The following COL1A1 variants were observed in gnomAD, a reference collection of about 807,000 sequenced individuals.
The protein encoded by COL1A1 is collagen alpha-1(I) chain.
In COL1A1, 21 loss-of-function variants were observed where a neutral mutation model predicts 195.7. The observed-to-expected ratio is 0.11, with a 90% confidence interval of 0.08 to 0.15. The LOEUF (loss-of-function observed/expected upper bound fraction) is 0.15, where lower values mean the gene tolerates loss of function less well. Ranked by LOEUF, COL1A1 falls within the 10% of genes least tolerant of loss-of-function variation. COL1A1 has a pLI of 1.00. For synonymous variants in COL1A1, 749 were observed against 747.3 expected (o/e 1.00, Z -0.04); for missense variants, 1,365 against 2,051.0 (o/e 0.67, Z 6.46).
In COL1A1 at chr17:50,186,400, C is replaced by T; in HGVS notation, c.3922G>A (p.Ala1308Thr). ...TCVYPTQPSV[A>T]QKNWYISKNP... ...TTGCTGATGTACCAGTTCTTCTGGGCCACACTGGGCTGAGTGGGGTACACG... is the reference window on the plus strand; with the variant it reads ...TTGCTGATGTACCAGTTCTTCTGGGTCACACTGGGCTGAGTGGGGTACACG... The change falls in exon 49 of 51, where the codon GCC (alanine) becomes ACC (threonine). Residue 1308 changes from alanine to threonine, a missense_variant. Physicochemically the swap from Ala to Thr is moderately conservative, Grantham distance 58. Around this residue, in one of 5 missense-constraint regions of COL1A1, gnomAD observed 273 missense variants for 338.6 expected, o/e 0.81. Coordinates refer to ENST00000225964, the MANE Select transcript of COL1A1 (RefSeq NM_000088.4). This position sits in a 1 kb window ranked among gnomAD's most constrained non-coding sequence, Gnocchi z 5.3. 2 of 1,614,194 alleles carry T rather than the reference C, an allele frequency of 1.2e-6. No individual in the cohort carries two copies. Among genetic ancestry groups the T allele is most frequent in the Non-Finnish European group, 1.7e-6 (2 of 1,180,040 alleles).
At chr17:50,199,496 AG>A in intron 3 of COL1A1, 43 bp from the exon 4 acceptor site, 1 of 1,614,156 alleles carries the variant, frequency 6.2e-7, no homozygotes, top group Middle Eastern at 1.7e-4. Context: ...AGGTTAGAGA[AG>A]GGAGGACTGT....
In COL1A1 at chr17:50,194,153, G is replaced by T. The variant is rs1907351911; in HGVS notation, c.1645C>A (p.Pro549Thr). The change falls in exon 24 of 51, where the codon CCT (proline) becomes ACT (threonine). Residue 549 changes from proline (P) to threonine (T), a missense_variant. By Grantham distance (38) the Pro-to-Thr change is conservative (BLOSUM62 -1). Around this residue, in one of 5 missense-constraint regions of COL1A1, gnomAD observed 671 missense variants for 1,099.9 expected, o/e 0.61. Coordinates refer to ENST00000225964, the MANE Select transcript of COL1A1 (RefSeq NM_000088.4). This position sits in a 1 kb window ranked among gnomAD's most constrained non-coding sequence, Gnocchi z 6.8. ...GLTGSPGSPG[P>T]DGKTGPPGPA... ...ACAGGGGGGCCAGTTTTGCCATCAGGACCAGGGCTGCCAGGGCTTCCAGTC... is the reference window on the plus strand; with the variant it reads ...ACAGGGGGGCCAGTTTTGCCATCAGTACCAGGGCTGCCAGGGCTTCCAGTC... 6.2e-7 allele frequency: 1 copy of T among 1,613,706 alleles called. No homozygotes were observed. The highest frequency in any genetic ancestry group is 1.3e-5 in the African/African-American group (1 of 74,838).
In COL1A1 at chr17:50,186,890, G is replaced by A; in HGVS notation, c.3564C>T (p.Pro1188=). The A allele has an allele frequency of 6.2e-7, 1 of 1,613,972 alleles. No individual in the cohort carries two copies. Among genetic ancestry groups the A allele is most frequent in the Non-Finnish European group, 8.5e-7 (1 of 1,179,978 alleles). The change falls in exon 48 of 51, where the codon CCC becomes CCT. Residue 1188 remains proline (P), a synonymous_variant. Transcript: ENST00000225964. This position sits in a 1 kb window ranked among gnomAD's most constrained non-coding sequence, Gnocchi z 5.3. ...GPPGPPGPPG[P]PGPPSAGFDF... ...CGAAACCAGCGCTGGGAGGACCAGG[G>A]GGACCAGGAGGTCCAGGAGGGCCGG...
chr17:50,200,981 C>T lies in COL1A1; in HGVS notation c.103+430G>A, dbSNP rs1354007354. On this transcript the variant is annotated intron_variant, in intron 1 of 50. Transcript: ENST00000225964. The stretch of plus-strand genomic sequence containing the variant: ...CCCCCTCCGCGGCTGCCCAGCACCC[C>T]CACGGCCCCAGCAACACTCTAGCCC... Among the ~76,000 whole-genome samples the T allele has an allele frequency of 2.6e-5, 4 of 152,258 alleles. 1 individual carries two copies. The highest frequency in any genetic ancestry group is 5.9e-5 in the Non-Finnish European group (4 of 68,052).
At position 50,197,048 on chromosome 17, in the gene COL1A1, G is replaced by A. The variant is rs1245834661; in HGVS notation, c.766C>T (p.Pro256Ser). ...ATTCCAGGGAGGCCAGCTGTTCCGGGCAATCCTCGAGCACCCTGGAGAGAG... is the reference window on the plus strand; with the variant it reads ...ATTCCAGGGAGGCCAGCTGTTCCGGACAATCCTCGAGCACCCTGGAGAGAG... ...PPGPQGARGL[P>S]GTAGLPGMKG... The change falls in exon 11 of 51, where the codon CCC (proline) becomes TCC (serine). Residue 256 changes from proline (P) to serine (S), a missense_variant. By Grantham distance (74) the Pro-to-Ser change is moderately conservative. This residue lies in a region of COL1A1 where 226 missense variants were observed against 372.9 expected (regional missense o/e 0.61). Transcript: ENST00000225964. The A allele has an allele frequency of 6.2e-7, 1 of 1,614,100 alleles. No individual in the cohort carries two copies. The highest frequency in any genetic ancestry group is 8.5e-7 in the Non-Finnish European group (1 of 1,180,000).
At position 50,187,133 on chromosome 17, in the gene COL1A1, G is replaced by A. The variant is rs200794696; in HGVS notation, c.3424-11C>T. The A allele has an allele frequency of 6.3e-7, 1 of 1,593,032 alleles. No homozygotes were observed. The highest frequency in any genetic ancestry group is 2.3e-5 in the East Asian group (1 of 44,368). On this transcript the variant is annotated splice_polypyrimidine_tract_variant and intron_variant, in intron 46 of 50. Coordinates refer to ENST00000225964, the MANE Select transcript of COL1A1 (RefSeq NM_000088.4). ...AGAGCCAGGGGGACCCTGGAGTGGGGGAAATGGTTTGAGAAAGGCTGCCAG... is the reference window on the plus strand; with the variant it reads ...AGAGCCAGGGGGACCCTGGAGTGGGAGAAATGGTTTGAGAAAGGCTGCCAG...
chr17:50,200,199 T>A, intron 1 of COL1A1: 3 of 494,332 alleles, frequency 6.1e-6, no homozygotes, highest in Non-Finnish European at 3.7e-6. Flanking sequence ...CGCGGTGGCT[T>A]CCAACTCCAA....
At chr17:50,200,012 C>G in intron 1 of COL1A1, 65 bp from the exon 2 acceptor site, 1 of 1,549,528 alleles carries the variant, frequency 6.5e-7, no homozygotes, top group South Asian at 1.1e-5. Context: ...CCACCTTTCC[C>G]CCGGGTCTAA....
chr17:50,189,039 G>C lies in COL1A1; in HGVS notation c.2938-29C>G, dbSNP rs760483451. On this transcript the variant is annotated intron_variant, in intron 40 of 50. Coordinates refer to ENST00000225964, the MANE Select transcript of COL1A1 (RefSeq NM_000088.4). The surrounding 1 kb of genome is among the most constrained non-coding windows in gnomAD (Gnocchi z 5.5). ...AGGGAGAAGAAAGAGTCAGGCCAGA[G>C]ATAGGGTCTGGGAGGACCCTTGAGT... The C allele has an allele frequency of 1.0e-4, 162 of 1,593,854 alleles. No individual in the cohort carries two copies. The highest frequency in any genetic ancestry group is 1.4e-4 in the Non-Finnish European group (158 of 1,161,856).
Position 50,190,021 on chromosome 17 carries a change from C to T in COL1A1, c.2539G>A (p.Ala847Thr), listed in dbSNP as rs369455732. ...CTCACAATGGGGCCAGGGGGTCCAG[C>T]GGGTCCGGCAGGGCCAGGGGGACCA... is the stretch of plus-strand genomic sequence containing the variant. ...DAGPPGPAGP[A>T]GPPGPIGNVG... Residue 847 changes from alanine to threonine, a missense_variant, in exon 36 of 51, where the codon GCT becomes ACT. Around this residue, in one of 5 missense-constraint regions of COL1A1, gnomAD observed 671 missense variants for 1,099.9 expected, o/e 0.61. Transcript: ENST00000225964. This position sits in a 1 kb window ranked among gnomAD's most constrained non-coding sequence, Gnocchi z 4.7. 39 of 1,612,944 alleles carry T rather than the reference C, an allele frequency of 2.4e-5. No individual in the cohort carries two copies. Among genetic ancestry groups the T allele is most frequent in the African/African-American group, 1.7e-4 (13 of 74,766 alleles).
rs766217606 is a variant in COL1A1 at position 50,194,334 on chromosome 17, A to G, written c.1614+15T>C. On this transcript the variant is annotated intron_variant, in intron 23 of 50. Coordinates refer to ENST00000225964, the MANE Select transcript of COL1A1 (RefSeq NM_000088.4). This position sits in a 1 kb window ranked among gnomAD's most constrained non-coding sequence, Gnocchi z 6.8. ...CAGGGCCTGGCCAAGCCAGGCTGAAAGCCTGGGGCCTCACCTTGGCACCAG... is the reference window on the plus strand; with the variant it reads ...CAGGGCCTGGCCAAGCCAGGCTGAAGGCCTGGGGCCTCACCTTGGCACCAG... 6.2e-7 allele frequency: 1 copy of G among 1,613,978 alleles called. No homozygotes were observed. Among genetic ancestry groups the G allele is most frequent in the Non-Finnish European group, 8.5e-7 (1 of 1,179,950 alleles).
Position 50,195,536 on chromosome 17 carries a change from G to T in COL1A1, c.1155+31C>A. ...GCAAGGACTCTGAGGTTAGAAAGTG[G>T]CAAAGGGGACACTGAGTCGGGGACA... is the stretch of plus-strand genomic sequence containing the variant. On this transcript the variant is annotated intron_variant, in intron 17 of 50. Coordinates refer to ENST00000225964, the MANE Select transcript of COL1A1 (RefSeq NM_000088.4). This position sits in a 1 kb window ranked among gnomAD's most constrained non-coding sequence, Gnocchi z 4.3. The T allele has an allele frequency of 6.2e-7, 1 of 1,613,976 alleles. No individual in the cohort carries two copies. The highest frequency in any genetic ancestry group is 1.3e-5 in the African/African-American group (1 of 74,992).
chr17:50,188,251 C>T lies in COL1A1; in HGVS notation c.3208-102G>A. ...TGCTGGATCTCTCTCTCCTCAGCTG[C>T]TTCCCACTGTGGCCATCTCTCCCAA... On this transcript the variant is annotated intron_variant, in intron 43 of 50. Coordinates refer to ENST00000225964, the MANE Select transcript of COL1A1 (RefSeq NM_000088.4). The surrounding 1 kb of genome is among the most constrained non-coding windows in gnomAD (Gnocchi z 5.6). 8.4e-7 allele frequency: 1 copy of T among 1,186,592 alleles called. No homozygotes were observed. The highest frequency in any genetic ancestry group is 2.6e-5 in the East Asian group (1 of 38,962). 73.5% of individuals were successfully genotyped at this position (1,186,592 alleles called of 1,614,324 possible).
Position 50,185,626 on chromosome 17 carries a change from T to C in COL1A1, c.4271A>G (p.Lys1424Arg). The C allele has an allele frequency of 1.2e-6, 2 of 1,613,860 alleles. No individual in the cohort carries two copies. Among genetic ancestry groups the C allele is most frequent in the Non-Finnish European group, 1.7e-6 (2 of 1,179,978 alleles). The stretch of plus-strand genomic sequence containing the variant: ...GGTGGTTTTGTATTCAATCACTGTC[T>C]TGCCCCAGGCTCCGGTGTGACTCTG... ...GCTSHTGAWG[K>R]TVIEYKTTKT... The change falls in exon 51 of 51, where the codon AAG becomes AGG. Residue 1424 changes from lysine to arginine, a missense_variant. By Grantham distance (26) the Lys-to-Arg change is conservative (BLOSUM62 2). Coordinates refer to ENST00000225964, the MANE Select transcript of COL1A1 (RefSeq NM_000088.4).
chr17:50,201,368 G>T (rs748902981), intron 1 of COL1A1, 43 bp downstream of exon 1: 1 of 1,581,258 alleles, frequency 6.3e-7, no homozygotes, highest in Admixed American at 1.7e-5. Flanking sequence ...AGCGCAAGGC[G>T]CGATATAGAG....
rs1906649819 is a variant in COL1A1, at chr17:50,187,406, G to C, written c.3423+78C>G. The C allele has an allele frequency of 6.9e-6, 10 of 1,455,968 alleles. No individual in the cohort carries two copies. In the East Asian group the frequency reaches 2.3e-4, roughly 33 times the overall value. 90.2% of individuals were successfully genotyped at this position (1,455,968 alleles called of 1,614,324 possible). ...ACCCTTCTCCAGAGAGGCAAAGGGT[G>C]CCTGGGTCCCTGGCAAGGGTCCCCG... On this transcript the variant is annotated intron_variant, in intron 46 of 50. Transcript: ENST00000225964.
In COL1A1 at chr17:50,192,184, T is replaced by C. The variant is rs1598293084; in HGVS notation, c.1984-160A>G. ...TCCCAAACAGCCCCTCTCTTCCTCC[T>C]AGGGATGTGTCAAAGGCTTCCCCCC... On this transcript the variant is annotated intron_variant, in intron 29 of 50. Coordinates refer to ENST00000225964, the MANE Select transcript of COL1A1 (RefSeq NM_000088.4). 7 of 829,534 alleles carry C rather than the reference T, an allele frequency of 8.4e-6. No homozygotes were observed. In the South Asian group the frequency reaches 1.0e-4, roughly 12 times the overall value. 51.4% of individuals were successfully genotyped at this position (829,534 alleles called of 1,614,324 possible).
rs2277632 is a variant in COL1A1 at position 50,186,542 on chromosome 17, A to G, written c.3815-35T>C. ...GGCAGGGCAAGATGGAGTCAGGGAA[A>G]GGGAGCAGCCAGCACCATATGGTAG... On this transcript the variant is annotated intron_variant, in intron 48 of 50. Coordinates refer to ENST00000225964, the MANE Select transcript of COL1A1 (RefSeq NM_000088.4). The surrounding 1 kb of genome is among the most constrained non-coding windows in gnomAD (Gnocchi z 5.3). The G allele has an allele frequency of 0.16, 261,387 of 1,613,676 alleles. 23,968 individuals carry two copies. Among genetic ancestry groups the G allele is most frequent in the East Asian group, 0.34 (15,242 of 44,844 alleles).
At position 50,188,631 on chromosome 17, in the gene COL1A1, G is replaced by C; in HGVS notation, c.3106C>G (p.Arg1036Gly). 6.2e-7 allele frequency: 1 copy of C among 1,613,396 alleles called. No individual in the cohort carries two copies. Among genetic ancestry groups the C allele is most frequent in the East Asian group, 2.2e-5 (1 of 44,804 alleles). Residue 1036 changes from arginine to glycine, a missense_variant, in exon 43 of 51, where the codon CGT becomes GGT. Arg to Gly is a moderately radical substitution (Grantham distance 125). Transcript: ENST00000225964. This position sits in a 1 kb window ranked among gnomAD's most constrained non-coding sequence, Gnocchi z 5.6. ...RDGSPGAKGD[R>G]GETGPAGPPG... ...GGTCCAGCGGGGCCGGTCTCACCAC[G>C]GTCACCCTGGCGGGGAGAGCAGGGG...
Sources: allele counts gnomAD v4.1 joint callset (sites outside exome capture counted in the v4.1 genomes callset), GRCh38; gene constraint gnomAD v4.1.1; regional missense constraint gnomAD v4.1.1; non-coding constraint Gnocchi (gnomAD v3.1); transcripts MANE v1.5; gene names NCBI Gene and HGNC (gene_info 2026-07-23, HGNC 2026-07-21).